The following CAPN14 variants were observed in gnomAD, a reference collection of about 807,000 sequenced individuals.
The protein encoded by CAPN14 is calpain 14.
In CAPN14, 94 loss-of-function variants were observed where a neutral mutation model predicts 101.3. The ratio of observed to expected loss-of-function variants is 0.93; its 90% CI spans 0.79 to 1.10. The LOEUF (loss-of-function observed/expected upper bound fraction) is 1.10. CAPN14 is among the 50% of genes least tolerant of loss of function. CAPN14 has a pLI of 0.00. For synonymous variants in CAPN14, 338 were observed against 317.9 expected, an observed-to-expected ratio of 1.06 and a Z score of -0.67; for missense variants, 837 against 828.4, an observed-to-expected ratio of 1.01 and a Z score of -0.13.
Position 31,188,289 on chromosome 2 carries a change from G to C in CAPN14, c.1530+29C>G, listed in dbSNP as rs11124247. Reference sequence around the variant, plus strand: ...CACCCTGGCTTGGAAAGCAGTCCCAGCCATATGGAATTCCACCAGACTACT... The same window carrying C: ...CACCCTGGCTTGGAAAGCAGTCCCACCCATATGGAATTCCACCAGACTACT... On this transcript the variant is annotated intron_variant, in intron 14 of 21. Coordinates refer to ENST00000403897, the MANE Select transcript of CAPN14 (RefSeq NM_001145122.2). 0.046 allele frequency: 70,434 copies of C among 1,546,822 alleles called. 1,753 individuals are homozygous for C. Among genetic ancestry groups the C allele is most frequent in the Middle Eastern group, 0.082 (488 of 5,984 alleles).
intron 1 of CAPN14, chr2:31,233,689 G>A: frequency 6.6e-6 from 1 of 151,892 alleles, no homozygotes; most frequent in East Asian, 1.9e-4. Flanking sequence ...CCTAAGCCTA[G>A]CTAAAAGTTT....
At chr2:31,186,107 G>C (rs959420313) in intron 16 of CAPN14, among the ~76,000 whole-genome samples, 3 of 152,174 alleles carry the variant, frequency 2.0e-5, no homozygotes, top group African/African-American at 7.2e-5. Context: ...AATGGGTGCA[G>C]TTCTTCCACA....
chr2:31,185,357 C>T (rs182896247), intron 16 of CAPN14, among the ~76,000 whole-genome samples: 86 of 152,134 alleles, frequency 5.7e-4, no homozygotes, highest in African/African-American at 2.0e-3. Context: ...ATTTTCCAAC[C>T]CACATTTTAT....
intron 2 of CAPN14, 77 bp downstream of exon 2, chr2:31,205,146 C>T: frequency 1.6e-6 from 2 of 1,271,206 alleles, no homozygotes; most frequent in African/African-American, 1.5e-5. Context: ...TTTTTTTCTC[C>T]CATATATCTT....
At chr2:31,208,684 T>G (rs1248229759) in intron 1 of CAPN14, among the ~76,000 whole-genome samples, 4 of 152,202 alleles carry the variant, frequency 2.6e-5, no homozygotes, top group African/African-American at 9.7e-5. Context: ...GTTTCCTATA[T>G]ATTACAAACC....
chr2:31,175,970 A>G (rs891775857), intron 21 of CAPN14, among the ~76,000 whole-genome samples: 1 of 152,214 alleles, frequency 6.6e-6, no homozygotes, highest in Admixed American at 6.5e-5. Context: ...ATAAATTTGT[A>G]TTCTCCTAGG....
chr2:31,203,539 C>T (rs1249132627), intron 2 of CAPN14, among the ~76,000 whole-genome samples: 3 of 152,084 alleles, frequency 2.0e-5, no homozygotes, highest in Non-Finnish European at 2.9e-5. Context: ...TTCTTTTTGG[C>T]TTTTCCTGAT....
rs1170688109 is a variant in CAPN14, at chr2:31,200,436, G to C, written c.726+15C>G. On this transcript the variant is annotated intron_variant, in intron 6 of 21. Transcript: ENST00000403897. ...AGGAGAAGAGGACATTCTGCCAGTG[G>C]CAGCCCAGTCTCACCCCTGAGTGGG... 1 of 1,543,902 alleles carries C rather than the reference G, an allele frequency of 6.5e-7. No individual in the cohort carries two copies. Among genetic ancestry groups the C allele is most frequent in the South Asian group, 1.2e-5 (1 of 82,738 alleles).
At chr2:31,229,492 A>G (rs1167401651) in intron 1 of CAPN14, among the ~76,000 whole-genome samples, 3 of 152,186 alleles carry the variant, frequency 2.0e-5, no homozygotes, top group Admixed American at 6.5e-5. Context: ...CCTGGCCAAC[A>G]TGGTGAAACT....
In CAPN14 at chr2:31,178,599, A is replaced by G; in HGVS notation, c.1711-20T>C. ...ATTAAGCTGATTAATAGGTTAAGGT[A>G]AAAGCTTCCAGGGAGAGTTCTATCC... On this transcript the variant is annotated intron_variant, in intron 17 of 21. Coordinates refer to ENST00000403897, the MANE Select transcript of CAPN14 (RefSeq NM_001145122.2). 6.7e-7 allele frequency: 1 copy of G among 1,486,896 alleles called. No individual in the cohort carries two copies. Among genetic ancestry groups the G allele is most frequent in the Non-Finnish European group, 9.0e-7 (1 of 1,111,678 alleles). 92.1% of individuals were successfully genotyped at this position (1,486,896 alleles called of 1,614,324 possible).
rs140566755 is a variant in CAPN14, at chr2:31,177,799, C to T, written c.1802G>A (p.Arg601His). ...LSQKVFHKQDRGSGYLNWEQL... is the reference protein window; with the variant it reads ...LSQKVFHKQDHGSGYLNWEQL... ...CTCCCAGTTCAGGTATCCTGACCCACGGTCTTGCTTGTGGAAAACCTTCTG... is the reference window on the plus strand; with the variant it reads ...CTCCCAGTTCAGGTATCCTGACCCATGGTCTTGCTTGTGGAAAACCTTCTG... Residue 601 changes from arginine (R) to histidine (H), a missense_variant, in exon 19 of 22, where the codon CGT (arginine) becomes CAT (histidine). Physicochemically the swap from Arg to His is conservative, Grantham distance 29. Transcript: ENST00000403897. 1,193 of 1,551,970 alleles carry T rather than the reference C, an allele frequency of 7.7e-4. 3 individuals carry two copies. The African/African-American group carries it at 9.5e-3, about 12-fold the overall frequency.
chr2:31,229,241 T>C (rs985601317), intron 1 of CAPN14, among the ~76,000 whole-genome samples: 3 of 152,076 alleles, frequency 2.0e-5, no homozygotes, highest in African/African-American at 7.2e-5. Context: ...TAGATGTAAA[T>C]TGCTGCTAAT....
chr2:31,202,190 C>G lies in CAPN14; in HGVS notation c.358G>C (p.Val120Leu). Residue 120 changes from valine to leucine, a missense_variant, in exon 4 of 22, where the codon GTT becomes CTT. Physicochemically the swap from Val to Leu is conservative, Grantham distance 32 (BLOSUM62 1). Transcript: ENST00000403897. ...LALHQDILSR[V>L]VPLNQSFTEK... ...GTGAAACTCTGATTCAGGGGAACAA[C>G]CCGGCTCAGGATGTCCTGGTGCAAG... 1 of 1,551,836 alleles carries G rather than the reference C, an allele frequency of 6.4e-7. No homozygotes were observed. Among genetic ancestry groups the G allele is most frequent in the South Asian group, 1.2e-5 (1 of 84,060 alleles).
At chr2:31,212,232 C>A (rs1393540424) in intron 1 of CAPN14, among the ~76,000 whole-genome samples, 2 of 151,662 alleles carry the variant, frequency 1.3e-5, no homozygotes, top group Non-Finnish European at 2.9e-5. Flanking sequence ...ATTGCTTGAA[C>A]CTGGGAGGTG....
intron 1 of CAPN14, among the ~76,000 whole-genome samples, chr2:31,231,663 T>C (rs1229875521): frequency 6.6e-6 from 1 of 152,200 alleles, no homozygotes; most frequent in Non-Finnish European, 1.5e-5. Context: ...CATTCAGCAG[T>C]AGACAATGGC....
intron 21 of CAPN14, 47 bp from the exon 22 acceptor site, chr2:31,174,754 T>G (rs1253869824): frequency 1.9e-6 from 3 of 1,545,798 alleles, no homozygotes; most frequent in Admixed American, 2.0e-5. Flanking sequence ...GACCCACGTC[T>G]CATCTGGGCC....
intron 1 of CAPN14, among the ~76,000 whole-genome samples, chr2:31,229,219 G>A (rs976229396): frequency 6.6e-6 from 1 of 152,130 alleles, no homozygotes; most frequent in Non-Finnish European, 1.5e-5. Context: ...AGGATGGGGA[G>A]GAGCACATAA....
intron 12 of CAPN14, among the ~76,000 whole-genome samples, chr2:31,190,030 G>C (rs1035777535): frequency 6.6e-6 from 1 of 152,040 alleles, no homozygotes; most frequent in Non-Finnish European, 1.5e-5. Context: ...ATCATCTCAG[G>C]GAAAACACCC....
At chr2:31,178,786 C>A (rs1038235324) in intron 17 of CAPN14, among the ~76,000 whole-genome samples, 1 of 151,910 alleles carries the variant, frequency 6.6e-6, no homozygotes, top group Admixed American at 6.6e-5. Flanking sequence ...AGAATGAGCC[C>A]AGAGCACAGC....
Sources: allele counts gnomAD v4.1 joint callset (sites outside exome capture counted in the v4.1 genomes callset), GRCh38; gene constraint gnomAD v4.1.1; transcripts MANE v1.5; gene names NCBI Gene and HGNC (gene_info 2026-07-23, HGNC 2026-07-21).